Variants in NPSR1 observed in about 807,000 individuals in gnomAD.
NPSR1 encodes neuropeptide S receptor.
NPSR1 carries 48 observed loss-of-function variants against 46.9 expected under a neutral mutation model. The observed-to-expected ratio is 1.02, with a 90% CI of 0.81 to 1.30. The LOEUF (loss-of-function observed/expected upper bound fraction) is 1.30, where lower values mean the gene tolerates loss of function less well. Ranked by LOEUF, NPSR1 falls within the 50% of genes most tolerant of loss-of-function variation. The pLI is 0.00. For synonymous variants in NPSR1, 176 were observed against 168.1 expected (o/e 1.05, Z -0.36); for missense variants, 450 against 449.5 (o/e 1.00, Z -0.01).
At chr7:34,734,360 C>T (rs1189749341) in intron 2 of NPSR1, among the ~76,000 whole-genome samples, 1 of 152,132 alleles carries the variant, frequency 6.6e-6, no homozygotes, top group Non-Finnish European at 1.5e-5. Flanking sequence ...AATGTGGATA[C>T]ATTCAAAAAG....
intron 1 of NPSR1, among the ~76,000 whole-genome samples, chr7:34,676,352 C>A (rs532337375): frequency 6.6e-6 from 1 of 152,230 alleles, no homozygotes; most frequent in Non-Finnish European, 1.5e-5. Context: ...ACCTATCACA[C>A]ATCCAGCAAG....
At position 34,785,136 on chromosome 7, in the gene NPSR1, G is replaced by A. The variant is rs1049655218; in HGVS notation, c.384+6571G>A. Among the ~76,000 whole-genome samples the A allele has an allele frequency of 2.6e-5, 4 of 151,666 alleles. No individual in the cohort carries two copies. In the East Asian group the frequency reaches 5.8e-4, roughly 22 times the overall value. ...GCAAAGACTTGGAACCAACCCAAATGTCCAACAATGATAGACGGGATTAAG... is the reference window on the plus strand; with the variant it reads ...GCAAAGACTTGGAACCAACCCAAATATCCAACAATGATAGACGGGATTAAG... On this transcript the variant is annotated intron_variant, in intron 3 of 8. Transcript: ENST00000360581.
chr7:34,738,386 A>G (rs1239105361), intron 2 of NPSR1, among the ~76,000 whole-genome samples: 2 of 152,182 alleles, frequency 1.3e-5, no homozygotes, highest in Non-Finnish European at 2.9e-5. Context: ...AAAAACAATC[A>G]GGTTTTCTAT....
intron 3 of NPSR1, among the ~76,000 whole-genome samples, chr7:34,794,209 G>C (rs1788071549): frequency 6.6e-6 from 1 of 152,020 alleles, no homozygotes; most frequent in Non-Finnish European, 1.5e-5. Flanking sequence ...AAAATAACTT[G>C]AAGAAAGGAT....
chr7:34,742,614 T>C (rs1785001901), intron 2 of NPSR1, among the ~76,000 whole-genome samples: 1 of 152,238 alleles, frequency 6.6e-6, no homozygotes, highest in Non-Finnish European at 1.5e-5. Flanking sequence ...TTGTGAATAG[T>C]ACTGCAATGA....
intron 2 of NPSR1, among the ~76,000 whole-genome samples, chr7:34,705,314 C>T (rs985400940): frequency 2.0e-5 from 3 of 151,784 alleles, no homozygotes; most frequent in African/African-American, 7.3e-5. Flanking sequence ...GTAATACCAG[C>T]TACTCAGGAG....
chr7:34,865,660 A>AC (rs886871009), intron 8 of NPSR1, among the ~76,000 whole-genome samples: 5 of 151,144 alleles, frequency 3.3e-5, no homozygotes, highest in Non-Finnish European at 7.4e-5. Flanking sequence ...CTCAAGACAC[A>AC]CCCCCCTTAG....
intron 4 of NPSR1, among the ~76,000 whole-genome samples, chr7:34,814,386 C>T (rs888555751): frequency 5.3e-5 from 8 of 152,210 alleles, no homozygotes; most frequent in South Asian, 4.1e-4. Context: ...CAAAGTGGCC[C>T]GGCAGCTCAA....
intron 2 of NPSR1, among the ~76,000 whole-genome samples, chr7:34,692,270 G>A (rs949895763): frequency 6.6e-6 from 1 of 151,912 alleles, no homozygotes; most frequent in African/African-American, 2.4e-5. Context: ...TCTGTACATG[G>A]AACATTCTCC....
At chr7:34,867,979 T>G (rs1791355925) in intron 8 of NPSR1, among the ~76,000 whole-genome samples, 1 of 151,846 alleles carries the variant, frequency 6.6e-6, no homozygotes, top group African/African-American at 2.4e-5. Flanking sequence ...AGCTGTACTA[T>G]ATTGAAGTAT....
At chr7:34,841,681 A>G (rs1790570382) in intron 6 of NPSR1, among the ~76,000 whole-genome samples, 1 of 152,214 alleles carries the variant, frequency 6.6e-6, no homozygotes, top group African/African-American at 2.4e-5. Context: ...TGGTCAGATT[A>G]AAGATGCTTT....
chr7:34,772,666 C>T (rs1025742879), intron 2 of NPSR1, among the ~76,000 whole-genome samples: 2 of 152,166 alleles, frequency 1.3e-5, no homozygotes, highest in South Asian at 4.1e-4. Context: ...CACCCTTCCA[C>T]AACAGCAGGG....
chr7:34,756,092 G>A (rs1785824183), intron 2 of NPSR1, among the ~76,000 whole-genome samples: 1 of 152,188 alleles, frequency 6.6e-6, no homozygotes, highest in South Asian at 2.1e-4. Context: ...AGTTCAGGGA[G>A]CCTGCTAGAC....
Position 34,678,392 on chromosome 7 carries a change from C to T in NPSR1, c.148-6160C>T, listed in dbSNP as rs181378896. On this transcript the variant is annotated intron_variant, in intron 1 of 8. Transcript: ENST00000360581. ...ACGCACCACCACGACCAGCTAATTGCAATTTTTAAAGAAGAAATTGCTTTA... is the reference window on the plus strand; with the variant it reads ...ACGCACCACCACGACCAGCTAATTGTAATTTTTAAAGAAGAAATTGCTTTA... Among the ~76,000 whole-genome samples, 353 of 151,890 alleles carry T rather than the reference C, an allele frequency of 2.3e-3. 1 individual carries two copies. Among genetic ancestry groups the T allele is most frequent in the Admixed American group, 6.6e-3 (101 of 15,244 alleles).
intron 6 of NPSR1, among the ~76,000 whole-genome samples, chr7:34,835,817 G>C (rs1028581623): frequency 1.3e-5 from 2 of 152,186 alleles, no homozygotes; most frequent in Non-Finnish European, 2.9e-5. Context: ...CTTGGGTCTT[G>C]GCCCTGGCTA....
chr7:34,802,051 C>G lies in NPSR1; in HGVS notation c.385-9719C>G, dbSNP rs925149417. 1.4e-4 allele frequency among the ~76,000 whole-genome samples: 21 copies of G among 149,250 alleles called. 3 individuals carry two copies. Among genetic ancestry groups the G allele is most frequent in the African/African-American group, 4.9e-4 (19 of 38,684 alleles). ...TCAAGGAGAACTACAAACCACTGCT[C>G]AATGAAATAAAAGAGGATACAAAGA... On this transcript the variant is annotated intron_variant, in intron 3 of 8. Transcript: ENST00000360581.
At chr7:34,687,727 G>A (rs1793010495) in intron 2 of NPSR1, among the ~76,000 whole-genome samples, 1 of 152,264 alleles carries the variant, frequency 6.6e-6, no homozygotes, top group South Asian at 2.1e-4. Flanking sequence ...ATTATGTGCT[G>A]TGCTTGCAAA....
intron 2 of NPSR1, among the ~76,000 whole-genome samples, chr7:34,759,455 G>T (rs1057050072): frequency 1.3e-5 from 2 of 152,106 alleles, no homozygotes; most frequent in African/African-American, 4.8e-5. Context: ...ATTGCTGACT[G>T]GGGTCAGCAA....
chr7:34,702,477 C>A (rs1354253523), intron 2 of NPSR1, among the ~76,000 whole-genome samples: 2 of 152,212 alleles, frequency 1.3e-5, no homozygotes, highest in Non-Finnish European at 2.9e-5. Flanking sequence ...ACTTTTACTT[C>A]CATCCAGAAC....
Sources: gnomAD v4.1 joint callset for allele counts (sites outside exome capture counted in the v4.1 genomes callset) on GRCh38, gnomAD v4.1.1 for gene constraint, MANE v1.5 for transcripts, NCBI Gene and HGNC (gene_info 2026-07-23, HGNC 2026-07-21) for gene names.